VPS8: variants seen among roughly 807,000 people sequenced by gnomAD.
VPS8 encodes the protein vacuolar protein sorting-associated protein 8 homolog.
In VPS8, 129 loss-of-function variants were observed where a neutral mutation model predicts 216.4. The ratio of observed to expected loss-of-function variants is 0.60; its 90% CI spans 0.52 to 0.69. The LOEUF is 0.69. Among genes scored for constraint, VPS8 ranks in the 30% least tolerant of loss-of-function variants. The probability of loss-of-function intolerance (pLI) is 0.00; values close to 1 mark genes in which losing one functional copy is unlikely to be tolerated. For synonymous variants in VPS8, 571 were observed against 565.4 expected (o/e 1.01, Z -0.14); for missense variants, 1,531 against 1,683.5 (o/e 0.91, Z 1.59).
intron 36 of VPS8, 21 bp downstream of exon 36, chr3:184,940,264 C>A (rs1333057351): frequency 1.9e-6 from 2 of 1,044,718 alleles, no homozygotes; most frequent in South Asian, 2.2e-5. Flanking sequence ...AAACTTTAGT[C>A]TTTCATTATA....
chr3:184,829,807 G>T (rs984568456), intron 3 of VPS8, among the ~76,000 whole-genome samples: 5 of 152,120 alleles, frequency 3.3e-5, no homozygotes, highest in African/African-American at 1.2e-4. Flanking sequence ...GGTTTTGACC[G>T]TTTGAATATC....
intron 21 of VPS8, among the ~76,000 whole-genome samples, chr3:184,876,303 G>A (rs1208422589): frequency 2.0e-5 from 3 of 150,114 alleles, no homozygotes; most frequent in Non-Finnish European, 4.4e-5. Context: ...TTGTCAAGAT[G>A]TCTGTGTACC....
intron 2 of VPS8, among the ~76,000 whole-genome samples, 186 bp from the exon 3 acceptor site, chr3:184,825,977 G>C (rs190964353): frequency 6.6e-6 from 1 of 152,142 alleles, no homozygotes; most frequent in African/African-American, 2.4e-5. Context: ...GATGGTAACT[G>C]AACGTGTAGA....
At chr3:185,020,811 G>A (rs948096929) in intron 45 of VPS8, among the ~76,000 whole-genome samples, 9 of 152,144 alleles carry the variant, frequency 5.9e-5, no homozygotes, top group African/African-American at 1.7e-4. Flanking sequence ...GGTGGCTCAC[G>A]CCTGTAATTC....
intron 21 of VPS8, chr3:184,882,475 A>G: frequency 2.4e-6 from 1 of 421,906 alleles, no homozygotes; most frequent in South Asian, 1.8e-5. Flanking sequence ...CATTCCTAAT[A>G]TTTTGTGAAG....
chr3:184,923,856 A>G lies in VPS8; in HGVS notation c.2455-1006A>G, dbSNP rs911057156. Among the ~76,000 whole-genome samples, 6 of 152,206 alleles carry G rather than the reference A, an allele frequency of 3.9e-5. No individual in the cohort carries two copies. The East Asian group carries it at 1.2e-3, about 29-fold the overall frequency. ...CTGCACGGGCTTTAAAACTTAGCTT[A>G]AAAGCTATTCTTCTCATTTCTTTTC... On this transcript the variant is annotated intron_variant, in intron 29 of 47. Transcript: ENST00000625842.
chr3:185,018,834 T>C (rs1355159097), intron 45 of VPS8, among the ~76,000 whole-genome samples: 2 of 152,242 alleles, frequency 1.3e-5, no homozygotes, highest in Non-Finnish European at 2.9e-5. Flanking sequence ...GCTGAATTCC[T>C]GCCTGAATAG....
At chr3:184,819,350 T>G (rs891958622) in intron 1 of VPS8, among the ~76,000 whole-genome samples, 1 of 152,210 alleles carries the variant, frequency 6.6e-6, no homozygotes, top group Non-Finnish European at 1.5e-5. Flanking sequence ...TGTTTTGTTA[T>G]GTGCAAGTAC....
intron 36 of VPS8, among the ~76,000 whole-genome samples, chr3:184,946,888 A>T (rs1743776553): frequency 6.6e-6 from 1 of 151,952 alleles, no homozygotes; most frequent in African/African-American, 2.4e-5. Context: ...TGAAAGCAAA[A>T]CTCAGATTAA....
At chr3:185,034,773 A>C (rs1758656877) in intron 46 of VPS8, among the ~76,000 whole-genome samples, 1 of 152,026 alleles carries the variant, frequency 6.6e-6, no homozygotes, top group Non-Finnish European at 1.5e-5. Context: ...GAGACTTAGC[A>C]AAAAAATATT....
intron 41 of VPS8, 58 bp downstream of exon 41, chr3:184,982,705 T>C: frequency 7.2e-7 from 1 of 1,379,892 alleles, no homozygotes; most frequent in Non-Finnish European, 1.0e-6. Flanking sequence ...CCAATATTTG[T>C]CTGCAGAAAC....
chr3:185,000,983 A>G (rs1204935841), intron 45 of VPS8, among the ~76,000 whole-genome samples: 1 of 152,174 alleles, frequency 6.6e-6, no homozygotes, highest in Non-Finnish European at 1.5e-5. Context: ...TTCTCTCCAG[A>G]TAACAATGTA....
chr3:184,843,186 C>G, intron 7 of VPS8, 54 bp from the exon 8 acceptor site: 4 of 1,353,456 alleles, frequency 3.0e-6, no homozygotes, highest in Non-Finnish European at 3.9e-6. Context: ...AACTTTTGAA[C>G]TGATTTCTTG....
At chr3:185,022,014 AAT>A (rs1208536502) in intron 45 of VPS8, among the ~76,000 whole-genome samples, 3 of 152,092 alleles carry the variant, frequency 2.0e-5, no homozygotes, top group Non-Finnish European at 2.9e-5. Context: ...TCTCATCTTG[AAT>A]TGTAGTTCCC....
chr3:184,989,237 T>C (rs572043934), intron 42 of VPS8, among the ~76,000 whole-genome samples: 2 of 152,358 alleles, frequency 1.3e-5, no homozygotes, highest in East Asian at 3.9e-4. Flanking sequence ...TGATGTTAGC[T>C]GCAAGGTTCT....
intron 43 of VPS8, among the ~76,000 whole-genome samples, chr3:184,994,985 A>G (rs989851514): frequency 6.6e-6 from 1 of 152,158 alleles, no homozygotes; most frequent in African/African-American, 2.4e-5. Flanking sequence ...CTCTTGTGAA[A>G]CTTATTCACT....
At chr3:185,048,364 A>G (rs987234852) in intron 46 of VPS8, 115 bp from the exon 47 acceptor site, 1 of 1,011,144 alleles carries the variant, frequency 9.9e-7, no homozygotes. Flanking sequence ...GGTAGCATGG[A>G]TTGTTTTCAG....
chr3:184,874,614 A>C (rs750014922), intron 21 of VPS8, among the ~76,000 whole-genome samples: 1 of 152,184 alleles, frequency 6.6e-6, no homozygotes. Flanking sequence ...CTAGGTGGAC[A>C]GGGTTTTAGT....
At chr3:185,045,830 A>G (rs1712769034) in intron 46 of VPS8, among the ~76,000 whole-genome samples, 1 of 150,122 alleles carries the variant, frequency 6.7e-6, no homozygotes. Flanking sequence ...TCTTCCTTCC[A>G]GCGGATGTAG....
Sources: allele counts gnomAD v4.1 joint callset (sites outside exome capture counted in the v4.1 genomes callset), GRCh38; gene constraint gnomAD v4.1.1; transcripts MANE v1.5; gene names NCBI Gene and HGNC (gene_info 2026-07-23, HGNC 2026-07-21).